Variants in DPH6 observed in about 807,000 individuals in gnomAD.
The protein encoded by DPH6 is diphthine--ammonia ligase.
Under a neutral mutation model 38.2 loss-of-function variants are expected in DPH6, and 33 were observed. The ratio of observed to expected loss-of-function variants is 0.86; its 90% confidence interval spans 0.65 to 1.15. The LOEUF (loss-of-function observed/expected upper bound fraction) is 1.15. DPH6 is among the 50% of genes most tolerant of loss of function. The pLI, the probability that DPH6 is intolerant of heterozygous loss-of-function variation, is 0.00. For synonymous variants in DPH6, 108 were observed against 103.0 expected, an observed-to-expected ratio of 1.05 and a Z score of -0.30; for missense variants, 325 against 320.0, an observed-to-expected ratio of 1.02 and a Z score of -0.12.
downstream of DPH6, among the ~76,000 whole-genome samples, chr15:35,328,861 C>A (rs1194049680): frequency 6.6e-6 from 1 of 152,136 alleles, no homozygotes; most frequent in African/African-American, 2.4e-5. Context: ...GCTGGGGAAG[C>A]CTCACAATCA....
exon 4 of DPH6, chr15:35,218,037 T>C (rs6495759): frequency 0.24 from 36,173 of 152,090 alleles, 4,444 homozygotes; most frequent in South Asian, 0.31. Flanking sequence ...TGTACGTGCT[T>C]GGTACAGACA....
At chr15:35,165,089 T>C in the DPH6 span, among the ~76,000 whole-genome samples, 3 of 151,920 alleles carry the variant, frequency 2.0e-5, no homozygotes, top group Non-Finnish European at 4.4e-5. Flanking sequence ...AGAATTGCTC[T>C]ACTGGCCTTC....
intron 3 of DPH6, among the ~76,000 whole-genome samples, chr15:35,244,613 A>G (rs2051623541): frequency 6.6e-6 from 1 of 152,246 alleles, no homozygotes. Flanking sequence ...AGGCAAGCCT[A>G]TCTTAAGTAA....
chr15:35,418,992 T>C (rs1394238702), intron 5 of DPH6, among the ~76,000 whole-genome samples: 1 of 151,934 alleles, frequency 6.6e-6, no homozygotes, highest in Admixed American at 6.6e-5. Context: ...TTCTAGTCTG[T>C]CTATAATTCT....
At chr15:35,540,321 A>G (rs1159595368) in intron 2 of DPH6, among the ~76,000 whole-genome samples, 1 of 152,092 alleles carries the variant, frequency 6.6e-6, no homozygotes, top group Non-Finnish European at 1.5e-5. Context: ...TGGTTTTGTG[A>G]ATTTTATGAC....
chr15:35,527,568 T>C (rs1475792892), intron 3 of DPH6, among the ~76,000 whole-genome samples: 3 of 152,024 alleles, frequency 2.0e-5, no homozygotes, highest in Non-Finnish European at 2.9e-5. Flanking sequence ...AAATGTGACA[T>C]GAGGGTTTAA....
At chr15:35,174,349 A>G in the DPH6 span, among the ~76,000 whole-genome samples, 4 of 152,236 alleles carry the variant, frequency 2.6e-5, no homozygotes, top group African/African-American at 9.6e-5. Context: ...CTTCAAAATT[A>G]TATGTAAGCC....
chr15:35,480,035 T>C (rs1286287258), intron 3 of DPH6, among the ~76,000 whole-genome samples: 1 of 152,024 alleles, frequency 6.6e-6, no homozygotes, highest in African/African-American at 2.4e-5. Context: ...AGTGAAAACA[T>C]TATGCTTTGT....
chr15:35,539,203 G>A (rs866997077), intron 2 of DPH6, among the ~76,000 whole-genome samples: 72 of 151,904 alleles, frequency 4.7e-4, no homozygotes, highest in African/African-American at 1.7e-3. Flanking sequence ...TTTAGATCTC[G>A]TAACCTTACT....
intron 3 of DPH6, among the ~76,000 whole-genome samples, chr15:35,361,638 C>T (rs898193340): frequency 2.0e-5 from 3 of 150,538 alleles, no homozygotes; most frequent in African/African-American, 7.3e-5. Flanking sequence ...CTTTTTTATA[C>T]TCTGACTCAA....
intron 7 of DPH6, among the ~76,000 whole-genome samples, chr15:35,374,122 A>T (rs567811037): frequency 1.3e-5 from 2 of 152,166 alleles, no homozygotes; most frequent in East Asian, 3.9e-4. Flanking sequence ...CTGACATAGT[A>T]ATGACCACAT....
intron 5 of DPH6, among the ~76,000 whole-genome samples, chr15:35,419,056 AACACACACACATACACAC>A (rs1017368477): frequency 2.7e-5 from 3 of 111,246 alleles, no homozygotes; most frequent in African/African-American, 1.3e-4. Flanking sequence ...TTCAAACTAA[AACACACACACATACACAC>A]ACACACACAC....
chr15:35,542,655 T>A (rs1200148228), intron 1 of DPH6, 148 bp from the exon 2 acceptor site: 6 of 740,140 alleles, frequency 8.1e-6, no homozygotes, highest in Middle Eastern at 4.3e-4. Flanking sequence ...TTCTAAATCA[T>A]AAACAAACTG....
intron 3 of DPH6, among the ~76,000 whole-genome samples, chr15:35,491,891 T>C (rs1441577279): frequency 1.3e-5 from 2 of 151,652 alleles, no homozygotes; most frequent in Admixed American, 1.3e-4. Context: ...CACGTACATA[T>C]ATATATCTCT....
At chr15:35,162,325 C>T in the DPH6 span, among the ~76,000 whole-genome samples, 66 of 152,046 alleles carry the variant, frequency 4.3e-4, no homozygotes, top group African/African-American at 1.5e-3. Flanking sequence ...AGAATAAAAT[C>T]CAGCTGCCTA....
At chr15:35,159,557 A>T in the DPH6 span, among the ~76,000 whole-genome samples, 1 of 152,030 alleles carries the variant, frequency 6.6e-6, no homozygotes, top group Non-Finnish European at 1.5e-5. Context: ...TTAAAAAAAA[A>T]TAACAGGTGT....
intron 7 of DPH6, among the ~76,000 whole-genome samples, chr15:35,379,635 G>A (rs868236209): frequency 3.9e-5 from 6 of 152,142 alleles, no homozygotes; most frequent in Non-Finnish European, 7.4e-5. Context: ...GGTATGCTTA[G>A]GACATTTCAA....
intron 3 of DPH6, among the ~76,000 whole-genome samples, chr15:35,331,760 T>C (rs111426760): frequency 1.8e-4 from 27 of 152,342 alleles, no homozygotes; most frequent in Middle Eastern, 3.4e-3. Context: ...CCTAAAATTG[T>C]TCATCCGAAG....
At chr15:35,378,057 T>C (rs1326330553) in intron 7 of DPH6, among the ~76,000 whole-genome samples, 4 of 152,100 alleles carry the variant, frequency 2.6e-5, no homozygotes, top group Non-Finnish European at 5.9e-5. Context: ...AGAACCACAC[T>C]GATCTCTCTA....
Sources: gnomAD v4.1 joint callset for allele counts (sites outside exome capture counted in the v4.1 genomes callset) on GRCh38, gnomAD v4.1.1 for gene constraint, MANE v1.5 for transcripts, NCBI Gene and HGNC (gene_info 2026-07-23, HGNC 2026-07-21) for gene names.